Variants in RGS7 observed in about 807,000 individuals in gnomAD.
RGS7 encodes regulator of G protein signaling 7.
In RGS7, 27 loss-of-function variants were observed where a neutral mutation model predicts 81.1. The observed-to-expected ratio is 0.33, with a 90% confidence interval of 0.25 to 0.46. The LOEUF is 0.46. Among genes scored for constraint, RGS7 ranks in the 20% least tolerant of loss-of-function variants. RGS7 has a pLI of 1.00. For missense variants in RGS7, 396 were observed against 607.4 expected, an observed-to-expected ratio of 0.65 and a Z score of 3.66; for synonymous variants, 208 against 207.7, an observed-to-expected ratio of 1.00 and a Z score of -0.01.
At chr1:240,837,580 G>A (rs949378583) in intron 9 of RGS7, among the ~76,000 whole-genome samples, 3 of 152,124 alleles carry the variant, frequency 2.0e-5, no homozygotes, top group African/African-American at 4.8e-5. Flanking sequence ...GCTTAAATGG[G>A]TCATCAAACA....
At chr1:241,220,597 C>T (rs186749120) in intron 2 of RGS7, among the ~76,000 whole-genome samples, 7 of 152,234 alleles carry the variant, frequency 4.6e-5, no homozygotes, top group African/African-American at 1.7e-4. Context: ...GGGTTGGTTA[C>T]AGCTTTCTTT....
At chr1:240,913,178 T>C (rs1672042532) in intron 6 of RGS7, among the ~76,000 whole-genome samples, 1 of 152,254 alleles carries the variant, frequency 6.6e-6, no homozygotes, top group African/African-American at 2.4e-5. Flanking sequence ...TAATTTTATT[T>C]TACAGATACC....
chr1:241,033,075 G>T (rs181002920), intron 3 of RGS7, among the ~76,000 whole-genome samples: 26 of 152,304 alleles, frequency 1.7e-4, no homozygotes, highest in Admixed American at 1.4e-3. Context: ...AGAAAAGGGG[G>T]CTGGGTGCGG....
At chr1:241,328,007 T>C (rs1161383514) in intron 2 of RGS7, among the ~76,000 whole-genome samples, 1 of 152,238 alleles carries the variant, frequency 6.6e-6, no homozygotes, top group Non-Finnish European at 1.5e-5. Context: ...AGTTTGTTTT[T>C]ATAAAAGAGT....
chr1:241,303,010 C>G (rs1433077563), intron 2 of RGS7, among the ~76,000 whole-genome samples: 1 of 145,818 alleles, frequency 6.9e-6, no homozygotes, highest in Non-Finnish European at 1.6e-5. Flanking sequence ...ACTTCATGAA[C>G]GTGGCTTGAA....
chr1:241,335,916 C>T (rs970781918), intron 2 of RGS7, among the ~76,000 whole-genome samples: 3 of 151,108 alleles, frequency 2.0e-5, no homozygotes, highest in African/African-American at 4.9e-5. Context: ...TACTGATACA[C>T]TGCTGATATG....
At chr1:241,291,445 C>A (rs2079078825) in intron 2 of RGS7, among the ~76,000 whole-genome samples, 1 of 151,596 alleles carries the variant, frequency 6.6e-6, no homozygotes, top group African/African-American at 2.4e-5. Flanking sequence ...TTGAGGATGA[C>A]AACTAGGGTG....
chr1:240,908,771 GT>G (rs1048114770), intron 6 of RGS7, among the ~76,000 whole-genome samples: 2 of 152,156 alleles, frequency 1.3e-5, no homozygotes, highest in Non-Finnish European at 2.9e-5. Flanking sequence ...GGACCGCTTG[GT>G]TTACCCAAGG....
intron 2 of RGS7, among the ~76,000 whole-genome samples, chr1:241,325,123 C>T (rs1392909875): frequency 6.6e-6 from 1 of 152,202 alleles, no homozygotes; most frequent in African/African-American, 2.4e-5. Context: ...CACGACCTGA[C>T]TCTAAGGAGA....
intron 2 of RGS7, among the ~76,000 whole-genome samples, chr1:241,352,802 G>T (rs1171382371): frequency 2.0e-5 from 3 of 152,264 alleles, no homozygotes; most frequent in Non-Finnish European, 4.4e-5. Context: ...TATGAGGATA[G>T]TGATAACGAG....
intron 2 of RGS7, among the ~76,000 whole-genome samples, chr1:241,330,618 G>A (rs939495481): frequency 2.6e-5 from 4 of 152,110 alleles, no homozygotes; most frequent in Admixed American, 2.6e-4. Flanking sequence ...TCCAGAAAGT[G>A]GGTTGTAAAA....
chr1:241,308,152 G>A (rs2080287774), intron 2 of RGS7, among the ~76,000 whole-genome samples: 1 of 151,986 alleles, frequency 6.6e-6, no homozygotes, highest in Non-Finnish European at 1.5e-5. Context: ...GGGAGATAGA[G>A]AGAATGTGGG....
chr1:240,845,783 GA>G (rs1658966072), intron 9 of RGS7, among the ~76,000 whole-genome samples: 1 of 152,176 alleles, frequency 6.6e-6, no homozygotes, highest in Non-Finnish European at 1.5e-5. Context: ...TTTGTAGAAA[GA>G]AATCCAGGTG....
chr1:240,849,761 G>T (rs996029534), intron 9 of RGS7, among the ~76,000 whole-genome samples: 2 of 152,162 alleles, frequency 1.3e-5, no homozygotes, highest in African/African-American at 4.8e-5. Context: ...GCTACCTGAG[G>T]CCTCACCAGA....
intron 9 of RGS7, among the ~76,000 whole-genome samples, chr1:240,851,676 C>A (rs1249075577): frequency 1.8e-4 from 27 of 152,064 alleles, no homozygotes; most frequent in Admixed American, 1.8e-3. Context: ...CCATTAGGAA[C>A]ATTTATGATT....
chr1:241,260,988 G>C (rs1180051989), intron 2 of RGS7, among the ~76,000 whole-genome samples: 1 of 150,984 alleles, frequency 6.6e-6, no homozygotes, highest in Non-Finnish European at 1.5e-5. Flanking sequence ...CGAGTTAGTG[G>C]GTGCAGCACA....
intron 9 of RGS7, among the ~76,000 whole-genome samples, chr1:240,838,375 C>T (rs2147864444): frequency 6.6e-6 from 1 of 152,288 alleles, no homozygotes; most frequent in East Asian, 1.9e-4. Flanking sequence ...GTTAGGAATT[C>T]AACACATGAA....
At chr1:241,214,167 G>A (rs1176071199) in intron 2 of RGS7, among the ~76,000 whole-genome samples, 1 of 152,092 alleles carries the variant, frequency 6.6e-6, no homozygotes, top group African/African-American at 2.4e-5. Flanking sequence ...TCAGCCTGAA[G>A]ACCCCCTCCT....
intron 9 of RGS7, among the ~76,000 whole-genome samples, chr1:240,861,303 A>C (rs537288434): frequency 6.6e-6 from 1 of 152,238 alleles, no homozygotes; most frequent in South Asian, 2.1e-4. Flanking sequence ...CTGCTTAAGC[A>C]TTTTTATCCG....
Sources: allele counts gnomAD v4.1 joint callset (sites outside exome capture counted in the v4.1 genomes callset), GRCh38; gene constraint gnomAD v4.1.1; transcripts MANE v1.5; gene names NCBI Gene and HGNC (gene_info 2026-07-23, HGNC 2026-07-21).